The following STXBP5L variants were observed in gnomAD, a reference collection of about 807,000 sequenced individuals.
The protein encoded by STXBP5L is syntaxin-binding protein 5-like.
In STXBP5L, 65 loss-of-function variants were observed where a neutral mutation model predicts 144.5. The observed-to-expected ratio is 0.45, with a 90% CI of 0.37 to 0.55. STXBP5L has a LOEUF of 0.55. Among genes scored for constraint, STXBP5L ranks in the 20% least tolerant of loss-of-function variants. The pLI is 0.00. For synonymous variants in STXBP5L, 505 were observed against 469.6 expected (o/e 1.08, Z -0.97); for missense variants, 1,298 against 1,405.5 (o/e 0.92, Z 1.22).
At chr3:121,350,579 G>A (rs1560007482) in intron 20 of STXBP5L, among the ~76,000 whole-genome samples, 3 of 152,194 alleles carry the variant, frequency 2.0e-5, no homozygotes, top group East Asian at 1.9e-4. Flanking sequence ...CATTCTCCCC[G>A]TCACTTTCAG....
chr3:121,259,105 T>G lies in STXBP5L; in HGVS notation c.1895T>G (p.Val632Gly). The G allele has an allele frequency of 6.2e-7, 1 of 1,606,230 alleles. No individual in the cohort carries two copies. ...GYQAELVIQLVWVDGEPPQQI... is the reference protein window; with the variant it reads ...GYQAELVIQLGWVDGEPPQQI... ...CAAGCAGAACTTGTTATTCAATTGG[T>G]GTGGGTAGATGGTGAACCTCCACAA... The change falls in exon 18 of 27, where the codon GTG (valine) becomes GGG (glycine). Residue 632 changes from valine (V) to glycine (G), a missense_variant. By Grantham distance (109) the Val-to-Gly change is moderately radical. Coordinates refer to ENST00000471454, the MANE Select transcript of STXBP5L (RefSeq NM_001308330.2).
intron 19 of STXBP5L, among the ~76,000 whole-genome samples, chr3:121,288,212 A>G (rs1015887193): frequency 1.3e-5 from 2 of 152,172 alleles, no homozygotes; most frequent in East Asian, 3.8e-4. Context: ...GTGTACATGT[A>G]TGACATTTTC....
At chr3:121,254,784 T>G in intron 15 of STXBP5L, 111 bp from the exon 16 acceptor site, 1 of 921,826 alleles carries the variant, frequency 1.1e-6, no homozygotes, top group Non-Finnish European at 1.6e-6. Context: ...TGTAATTCAC[T>G]TTGTCTACTT....
At chr3:121,095,061 G>T (rs1047252545) in intron 5 of STXBP5L, among the ~76,000 whole-genome samples, 10 of 152,130 alleles carry the variant, frequency 6.6e-5, no homozygotes, top group Non-Finnish European at 1.2e-4. Flanking sequence ...AGTTTGGCTG[G>T]ATATGAAATT....
intron 6 of STXBP5L, among the ~76,000 whole-genome samples, chr3:121,116,596 C>A (rs976261127): frequency 7.2e-5 from 11 of 152,146 alleles, no homozygotes; most frequent in African/African-American, 2.4e-4. Context: ...TAAATTGTTA[C>A]ATATACACTG....
At chr3:121,324,482 C>T in intron 20 of STXBP5L, 1 of 679,314 alleles carries the variant, frequency 1.5e-6, no homozygotes, top group East Asian at 2.7e-5. Flanking sequence ...TTTTATATTC[C>T]CTTCCTTTAG....
At chr3:121,054,490 C>A (rs1326335717) in intron 5 of STXBP5L, among the ~76,000 whole-genome samples, 1 of 149,394 alleles carries the variant, frequency 6.7e-6, no homozygotes, top group Admixed American at 6.8e-5. Context: ...ATCACAAGGA[C>A]AAGAAAGCAA....
At chr3:121,386,944 G>T (rs963161197) in intron 22 of STXBP5L, among the ~76,000 whole-genome samples, 1 of 152,234 alleles carries the variant, frequency 6.6e-6, no homozygotes, top group African/African-American at 2.4e-5. Flanking sequence ...TGGGTCAAAT[G>T]GTAATTCTAG....
chr3:121,416,258 C>CATA (rs2047230612), intron 25 of STXBP5L, among the ~76,000 whole-genome samples: 2 of 151,720 alleles, frequency 1.3e-5, no homozygotes, highest in Non-Finnish European at 2.9e-5. Context: ...GCAAGTAGAT[C>CATA]ATACCTGCAT....
chr3:121,191,854 C>T (rs1432576702), intron 9 of STXBP5L, among the ~76,000 whole-genome samples: 1 of 151,348 alleles, frequency 6.6e-6, no homozygotes, highest in African/African-American at 2.4e-5. Context: ...GGACAGAAAA[C>T]CAAACACAGC....
chr3:121,105,946 C>T (rs957109726), intron 5 of STXBP5L, among the ~76,000 whole-genome samples: 3 of 152,050 alleles, frequency 2.0e-5, no homozygotes, highest in African/African-American at 4.8e-5. Flanking sequence ...AGTAAAATTT[C>T]TAAGAGTAAG....
At chr3:121,164,183 T>A (rs976268092) in intron 9 of STXBP5L, among the ~76,000 whole-genome samples, 2 of 152,058 alleles carry the variant, frequency 1.3e-5, no homozygotes, top group African/African-American at 4.8e-5. Flanking sequence ...AAAAAATGAG[T>A]GAAGGATCTG....
intron 9 of STXBP5L, among the ~76,000 whole-genome samples, chr3:121,167,947 G>T (rs1404653153): frequency 1.3e-5 from 2 of 152,132 alleles, no homozygotes; most frequent in African/African-American, 2.4e-5. Flanking sequence ...GCAGGCATCT[G>T]GTGGGTGCCC....
At chr3:121,177,486 G>A (rs1353422382) in intron 9 of STXBP5L, among the ~76,000 whole-genome samples, 7 of 152,132 alleles carry the variant, frequency 4.6e-5, no homozygotes, top group Non-Finnish European at 1.0e-4. Flanking sequence ...AGATATGCCA[G>A]TTAGCCAATT....
At chr3:121,215,960 A>T (rs532134753) in intron 10 of STXBP5L, among the ~76,000 whole-genome samples, 35 of 152,106 alleles carry the variant, frequency 2.3e-4, no homozygotes, top group Admixed American at 2.6e-4. Flanking sequence ...GTTGATATTC[A>T]ATCTCTGATA....
At position 121,374,446 on chromosome 3, in the gene STXBP5L, T is replaced by C. The variant is rs931974101; in HGVS notation, c.2177-4270T>C. The stretch of plus-strand genomic sequence containing the variant: ...CCAAAGGAACACAATAATTCTCCAA[T>C]AACAGACCCCAAAGGAAAAAAAAGA... On this transcript the variant is annotated intron_variant, in intron 20 of 26. Coordinates refer to ENST00000471454, the MANE Select transcript of STXBP5L (RefSeq NM_001308330.2). Among the ~76,000 whole-genome samples the C allele has an allele frequency of 3.3e-4, 50 of 151,138 alleles. 1 individual carries two copies. Among genetic ancestry groups the C allele is most frequent in the Admixed American group, 2.2e-3 (34 of 15,204 alleles).
intron 14 of STXBP5L, 112 bp downstream of exon 14, chr3:121,240,619 A>G: frequency 2.1e-6 from 2 of 975,148 alleles, no homozygotes; most frequent in Non-Finnish European, 3.1e-6. Context: ...AAGTAAAAGT[A>G]AAAATATAAG....
chr3:121,259,750 G>A (rs1162020449), intron 18 of STXBP5L, among the ~76,000 whole-genome samples: 2 of 149,852 alleles, frequency 1.3e-5, no homozygotes, highest in Admixed American at 6.7e-5. Context: ...TTAGTTTTGG[G>A]TCACATTATA....
intron 5 of STXBP5L, among the ~76,000 whole-genome samples, chr3:121,088,023 T>C (rs1173311107): frequency 2.0e-5 from 3 of 152,130 alleles, no homozygotes; most frequent in Non-Finnish European, 4.4e-5. Context: ...CATCAGACTA[T>C]GTTATTTCAG....
Sources: gnomAD v4.1 joint callset for allele counts (sites outside exome capture counted in the v4.1 genomes callset) on GRCh38, gnomAD v4.1.1 for gene constraint, MANE v1.5 for transcripts, NCBI Gene and HGNC (gene_info 2026-07-23, HGNC 2026-07-21) for gene names.